ARHGEF10L: variants seen among roughly 807,000 people sequenced by gnomAD.
ARHGEF10L encodes Rho guanine nucleotide exchange factor 10 like, also known as rho guanine nucleotide exchange factor 10-like protein.
ARHGEF10L carries 69 observed loss-of-function variants against 141.2 expected under a neutral mutation model. That is an observed-to-expected ratio of 0.49 (90% CI 0.40 to 0.60). The LOEUF (loss-of-function observed/expected upper bound fraction) is 0.60, where lower values mean the gene tolerates loss of function less well. Among genes scored for constraint, ARHGEF10L ranks in the 20% least tolerant of loss-of-function variants. The pLI is 0.00. For synonymous variants in ARHGEF10L, 711 were observed against 718.5 expected, an observed-to-expected ratio of 0.99 and a Z score of 0.17; for missense variants, 1,482 against 1,734.3, an observed-to-expected ratio of 0.85 and a Z score of 2.58.
rs547258504 is a variant in ARHGEF10L, at chr1:17,622,990, C to T, written c.1021-6C>T. ...GCCTGCGGCCTCACCCCGCCCTCCC[C>T]GGCAGGACTACCGCAACCCCCTGAT... is the stretch of plus-strand genomic sequence containing the variant. On this transcript the variant is annotated splice_polypyrimidine_tract_variant and splice_region_variant and intron_variant, in intron 11 of 28. Coordinates refer to ENST00000361221, the MANE Select transcript of ARHGEF10L (RefSeq NM_018125.4). 1.9e-5 allele frequency: 30 copies of T among 1,610,114 alleles called. No homozygotes were observed. Among genetic ancestry groups the T allele is most frequent in the East Asian group, 1.6e-4 (7 of 44,854 alleles).
rs772280390 is a variant in ARHGEF10L at position 17,687,761 on chromosome 1, GGGCAC to G, written c.3184+17_3184+21del. ...TCCTCCTGCCAGGTGAGGCTGCCTC[GGGCAC>G]GGGGGAGCGGACAGTCACAGAGCAC... On this transcript the variant is annotated intron_variant, in intron 27 of 28. Coordinates refer to ENST00000361221, the MANE Select transcript of ARHGEF10L (RefSeq NM_018125.4). 6.4e-7 allele frequency: 1 copy of G among 1,562,540 alleles called. No individual in the cohort carries two copies. Among genetic ancestry groups the G allele is most frequent in the South Asian group, 1.2e-5 (1 of 82,354 alleles).
At chr1:17,606,507 T>C (rs1319581247) in intron 6 of ARHGEF10L, among the ~76,000 whole-genome samples, 1 of 151,984 alleles carries the variant, frequency 6.6e-6, no homozygotes, top group Admixed American at 6.6e-5. Flanking sequence ...TTGGCCAGGC[T>C]GGTCTTGAAC....
intron 8 of ARHGEF10L, 54 bp downstream of exon 8, chr1:17,613,228 C>G (rs1201419135): frequency 4.1e-6 from 6 of 1,467,512 alleles, no homozygotes; most frequent in African/African-American, 1.4e-5. Flanking sequence ...CCAGCTGCAG[C>G]TACCTCCAAG....
intron 1 of ARHGEF10L, among the ~76,000 whole-genome samples, chr1:17,559,213 T>C (rs917094450): frequency 6.6e-6 from 1 of 152,210 alleles, no homozygotes; most frequent in Non-Finnish European, 1.5e-5. Flanking sequence ...ATAATATCAG[T>C]CCCTATCTCA....
Position 17,697,035 on chromosome 1 carries a change from G to T in ARHGEF10L, c.3495G>T (p.Leu1165=), listed in dbSNP as rs375423054. Residue 1165 remains leucine (L), a synonymous_variant, in exon 29 of 29, where the codon CTG becomes CTT. Coordinates refer to ENST00000361221, the MANE Select transcript of ARHGEF10L (RefSeq NM_018125.4). This position sits in a 1 kb window ranked among gnomAD's most constrained non-coding sequence, Gnocchi z 4.8. ...PMPDSHVGRE[L]TRKKGILLQY... is the part of the protein sequence containing the mutation. ...CCGATAGCCACGTGGGCCGAGAGCT[G>T]ACCCGCAAGAAGGGCATCCTCTTGC... 2 of 1,604,658 alleles carry T rather than the reference G, an allele frequency of 1.2e-6. No homozygotes were observed. The highest frequency in any genetic ancestry group is 1.7e-6 in the Non-Finnish European group (2 of 1,175,230).
chr1:17,672,425 G>A (rs17469160), intron 26 of ARHGEF10L, among the ~76,000 whole-genome samples: 16 of 152,152 alleles, frequency 1.1e-4, no homozygotes, highest in Non-Finnish European at 2.2e-4. Flanking sequence ...GCAAATTGGC[G>A]TGAGGGTGAA....
At chr1:17,671,179 G>A (rs890324789) in intron 26 of ARHGEF10L, among the ~76,000 whole-genome samples, 2 of 152,240 alleles carry the variant, frequency 1.3e-5, no homozygotes, top group Admixed American at 6.5e-5. Context: ...CCGCCACGGC[G>A]GAGCCGCCTG....
chr1:17,636,071 C>T (rs1272923534), intron 18 of ARHGEF10L, among the ~76,000 whole-genome samples: 3 of 152,210 alleles, frequency 2.0e-5, no homozygotes, highest in Admixed American at 6.5e-5. Flanking sequence ...CTCTGCCCCA[C>T]GTGCCTTCCT....
chr1:17,542,882 T>G (rs1342575179), intron 1 of ARHGEF10L, among the ~76,000 whole-genome samples: 3 of 152,200 alleles, frequency 2.0e-5, no homozygotes, highest in African/African-American at 7.2e-5. Flanking sequence ...TGCTTTCTTC[T>G]GCACAACTGT....
intron 28 of ARHGEF10L, among the ~76,000 whole-genome samples, chr1:17,695,803 G>A (rs1353456036): frequency 6.6e-6 from 1 of 151,996 alleles, no homozygotes; most frequent in Non-Finnish European, 1.5e-5. Context: ...ACCACCCTGA[G>A]AATGATGACT....
At chr1:17,686,460 G>A (rs759691408) in intron 26 of ARHGEF10L, among the ~76,000 whole-genome samples, 59 of 152,198 alleles carry the variant, frequency 3.9e-4, no homozygotes, top group Admixed American at 7.8e-4. Context: ...ACAGAATGGT[G>A]TAGGTATTCC....
the ARHGEF10L span, among the ~76,000 whole-genome samples, chr1:17,518,047 T>C: frequency 7.9e-5 from 12 of 152,388 alleles, no homozygotes; most frequent in Admixed American, 2.0e-4. Flanking sequence ...TTTGGCTTTA[T>C]GGGTCCTTCA....
chr1:17,658,138 G>A (rs1225445648), intron 25 of ARHGEF10L, among the ~76,000 whole-genome samples: 1 of 152,202 alleles, frequency 6.6e-6, no homozygotes, highest in South Asian at 2.1e-4. Context: ...CCCTGGCTGT[G>A]TGTCTGTGTG....
intron 9 of ARHGEF10L, among the ~76,000 whole-genome samples, chr1:17,616,491 G>C (rs571044592): frequency 6.6e-6 from 1 of 152,160 alleles, no homozygotes; most frequent in African/African-American, 2.4e-5. Flanking sequence ...TGCCCCCTGC[G>C]CTGTCTGGCT....
Position 17,587,529 on chromosome 1 carries a change from A to T in ARHGEF10L, c.107A>T (p.Glu36Val), listed in dbSNP as rs779578207. The T allele has an allele frequency of 6.8e-6, 11 of 1,614,026 alleles. No individual in the cohort carries two copies. Among genetic ancestry groups the T allele is most frequent in the African/African-American group, 2.7e-5 (2 of 74,920 alleles). The change falls in exon 3 of 29, where the codon GAG (glutamate) becomes GTG (valine). Residue 36 changes from glutamate (E) to valine (V), a missense_variant. Physicochemically the swap from Glu to Val is moderately radical, Grantham distance 121. This residue lies in a region of ARHGEF10L where 232 missense variants were observed against 225.9 expected (regional missense o/e 1.03). Coordinates refer to ENST00000361221, the MANE Select transcript of ARHGEF10L (RefSeq NM_018125.4). ...GAGGACGACCCAGGAGAGGCGTTTG[A>T]GTTTGATGACAGTGATGATGAAGAG... Reference protein sequence around the residue: ...EAEDDPGEAFEFDDSDDEEDT... With the variant: ...EAEDDPGEAFVFDDSDDEEDT...
chr1:17,635,834 C>T (rs1202978983), intron 18 of ARHGEF10L, among the ~76,000 whole-genome samples: 1 of 152,132 alleles, frequency 6.6e-6, no homozygotes, highest in Non-Finnish European at 1.5e-5. Flanking sequence ...CAGAAAGGAA[C>T]CCTGGTGCCC....
At position 17,697,015 on chromosome 1, in the gene ARHGEF10L, A is replaced by G; in HGVS notation, c.3475A>G (p.Ser1159Gly). The change falls in exon 29 of 29, where the codon AGC (serine) becomes GGC (glycine). Residue 1159 changes from serine (S) to glycine (G), a missense_variant. Physicochemically the swap from Ser to Gly is moderately conservative, Grantham distance 56 (BLOSUM62 0). This residue lies in a region of ARHGEF10L where 858 missense variants were observed against 966.3 expected (regional missense o/e 0.89). Transcript: ENST00000361221. This position sits in a 1 kb window ranked among gnomAD's most constrained non-coding sequence, Gnocchi z 4.8. ...GCAGGCACACGAGCCCATGCCCGAT[A>G]GCCACGTGGGCCGAGAGCTGACCCG... ...DGQAHEPMPD[S>G]HVGRELTRKK... is the part of the protein sequence containing the mutation. The G allele has an allele frequency of 6.2e-7, 1 of 1,608,382 alleles. No individual in the cohort carries two copies. The highest frequency in any genetic ancestry group is 8.5e-7 in the Non-Finnish European group (1 of 1,177,770).
intron 27 of ARHGEF10L, among the ~76,000 whole-genome samples, chr1:17,693,404 A>G (rs1479787439): frequency 6.6e-6 from 1 of 152,190 alleles, no homozygotes; most frequent in East Asian, 1.9e-4. Flanking sequence ...ATGGGATGGC[A>G]CACTGTGTTA....
chr1:17,591,939 G>C (rs935082285), intron 4 of ARHGEF10L, among the ~76,000 whole-genome samples: 3 of 152,234 alleles, frequency 2.0e-5, no homozygotes, highest in African/African-American at 7.2e-5. Flanking sequence ...GAGGCTTAGA[G>C]AACTGAAGTA....
Sources: gnomAD v4.1 joint callset for allele counts (sites outside exome capture counted in the v4.1 genomes callset) on GRCh38, gnomAD v4.1.1 for gene constraint, gnomAD v4.1.1 regional missense constraint, Gnocchi (gnomAD v3.1) non-coding constraint, MANE v1.5 for transcripts, NCBI Gene and HGNC (gene_info 2026-07-23, HGNC 2026-07-21) for gene names.